The following TBC1D8B variants were observed in gnomAD, a reference collection of about 807,000 sequenced individuals.
TBC1D8B encodes the protein RP11-321G1.1.
A neutral mutation model predicts 82.9 loss-of-function variants in TBC1D8B; 75 were observed. That is an observed-to-expected ratio of 0.90 (90% CI 0.75 to 1.10). The LOEUF (loss-of-function observed/expected upper bound fraction) is 1.10, where lower values mean the gene tolerates loss of function less well. Among genes scored for constraint, TBC1D8B ranks in the 50% least tolerant of loss-of-function variants. The probability of loss-of-function intolerance (pLI) is 0.00; values close to 1 mark genes in which losing one functional copy is unlikely to be tolerated. For synonymous variants in TBC1D8B, 276 were observed against 276.8 expected, an observed-to-expected ratio of 1.00 and a Z score of 0.03; for missense variants, 794 against 796.9, an observed-to-expected ratio of 1.00 and a Z score of 0.04.
In TBC1D8B at chrX:106,873,644, A is replaced by G. The variant is rs1257788393; in HGVS notation, c.3042A>G (p.Gln1014=). ...ACCCTGAAGAAGAATCATTATATCA[A>G]GCCATTGCTGTTGTAACCAGCCTTT... ...HEDPEEESLY[Q]AIAVVTSLLL... The change falls in exon 21 of 21, where the codon CAA becomes CAG. Residue 1014 remains glutamine (Q), a synonymous_variant. Transcript: ENST00000357242. 8.3e-7 allele frequency: 1 copy of G among 1,211,344 alleles called. No homozygotes were observed. Among genetic ancestry groups the G allele is most frequent in the Admixed American group, 2.2e-5 (1 of 46,021 alleles).
chrX:106,809,695 T>C (rs1263484822), intron 1 of TBC1D8B, among the ~76,000 whole-genome samples: 2 of 108,810 alleles, frequency 1.8e-5, no homozygotes, highest in African/African-American at 6.7e-5. Flanking sequence ...ACCAGCCTGG[T>C]CAACATGGTG....
Position 106,839,295 on chromosome X carries a change from C to G in TBC1D8B, c.1204-13C>G. The G allele has an allele frequency of 8.9e-7, 1 of 1,127,288 alleles. No individual in the cohort carries two copies. Among genetic ancestry groups the G allele is most frequent in the Non-Finnish European group, 1.2e-6 (1 of 852,560 alleles). 92.9% of individuals were successfully genotyped at this position (1,127,288 alleles called of 1,213,427 possible). Reference sequence around the variant, plus strand: ...AGCATGCATCTGGGACAACTACATTCTTTCTTTTTCAGCTTGCTATTAGTT... The same window carrying G: ...AGCATGCATCTGGGACAACTACATTGTTTCTTTTTCAGCTTGCTATTAGTT... On this transcript the variant is annotated splice_polypyrimidine_tract_variant and intron_variant, in intron 7 of 20. Coordinates refer to ENST00000357242, the MANE Select transcript of TBC1D8B (RefSeq NM_017752.3).
intron 17 of TBC1D8B, among the ~76,000 whole-genome samples, chrX:106,867,099 A>C (rs1371820797): frequency 9.0e-6 from 1 of 111,720 alleles, no homozygotes; most frequent in East Asian, 2.8e-4. Flanking sequence ...TTAGTAGTCA[A>C]TTTAATGATA....
rs192736677 is a variant in TBC1D8B, at chrX:106,851,695, G to A, written c.2123+1385G>A. 7.5e-3 allele frequency among the ~76,000 whole-genome samples: 833 copies of A among 110,655 alleles called. 5 individuals are homozygous for A. The highest frequency in any genetic ancestry group is 0.019 in the Middle Eastern group (4 of 215). ...TTTTTTGTCCTTGCGATATTTTGCT[G>A]AGAATGATGGTTTCCAGTTTCATCC... is the stretch of plus-strand genomic sequence containing the variant. On this transcript the variant is annotated intron_variant, in intron 12 of 20. Transcript: ENST00000357242.
intron 14 of TBC1D8B, among the ~76,000 whole-genome samples, chrX:106,860,338 T>C (rs1486453295): frequency 3.7e-5 from 3 of 80,640 alleles, no homozygotes; most frequent in African/African-American, 1.4e-4. Flanking sequence ...CTTTTTATGA[T>C]TGGTGTGTGT....
intron 10 of TBC1D8B, among the ~76,000 whole-genome samples, chrX:106,846,872 A>G (rs1569453929): frequency 8.9e-6 from 1 of 112,411 alleles, no homozygotes; most frequent in Non-Finnish European, 1.9e-5. Flanking sequence ...AAGAAAGTTC[A>G]ACCTCAAAGA....
intron 1 of TBC1D8B, chrX:106,815,445 T>G (rs1931514679): frequency 9.0e-6 from 1 of 111,679 alleles, no homozygotes; most frequent in Non-Finnish European, 1.9e-5. Context: ...TTTTGGTTAC[T>G]GTAGCCGTGT....
rs1177813946 is a variant in TBC1D8B at position 106,836,809 on chromosome X, C to T, written c.1204-2499C>T. Among the ~76,000 whole-genome samples the T allele has an allele frequency of 2.7e-5, 3 of 111,455 alleles. No homozygotes were observed. The East Asian group carries it at 8.4e-4, about 31-fold the overall frequency. On this transcript the variant is annotated intron_variant, in intron 7 of 20. Transcript: ENST00000357242. ...AAACTTATTATACAGCTATAGTAAACAAGACATTGTGATACTGGCATAAGG... is the reference window on the plus strand; with the variant it reads ...AAACTTATTATACAGCTATAGTAAATAAGACATTGTGATACTGGCATAAGG...
At chrX:106,861,781 A>T (rs189898096) in intron 14 of TBC1D8B, among the ~76,000 whole-genome samples, 1 of 110,211 alleles carries the variant, frequency 9.1e-6, no homozygotes, top group African/African-American at 3.3e-5. Context: ...TCCTGATATC[A>T]TGTTGTTAGC....
Position 106,869,522 on chromosome X carries a change from A to G in TBC1D8B, c.2850A>G (p.Ala950=). The G allele has an allele frequency of 2.5e-6, 3 of 1,208,092 alleles. No homozygotes were observed. The Admixed American group carries it at 6.5e-5, about 26-fold the overall frequency. ...KPANEKEAES[A]KHSPEKGKGK... ...CAAATGAGAAGGAAGCAGAATCAGCAAAACACAGCCCTGAAAAAGGTACTA... is the reference window on the plus strand; with the variant it reads ...CAAATGAGAAGGAAGCAGAATCAGCGAAACACAGCCCTGAAAAAGGTACTA... The change falls in exon 19 of 21, where the codon GCA becomes GCG. Residue 950 remains alanine (A), a synonymous_variant. Transcript: ENST00000357242.
intron 10 of TBC1D8B, among the ~76,000 whole-genome samples, chrX:106,846,313 G>A (rs149824883): frequency 4.7e-5 from 5 of 105,859 alleles, no homozygotes; most frequent in African/African-American, 1.0e-4. Context: ...TCACCATGTC[G>A]GCCAGGCTGG....
At chrX:106,827,023 T>G (rs1025725134) in intron 6 of TBC1D8B, 147 bp from the exon 7 acceptor site, 1 of 560,515 alleles carries the variant, frequency 1.8e-6, no homozygotes, top group African/African-American at 2.3e-5. Flanking sequence ...GTATGATTGG[T>G]GCAACTAGTA....
intron 15 of TBC1D8B, 43 bp from the exon 16 acceptor site, chrX:106,865,750 T>C: frequency 8.8e-7 from 1 of 1,136,630 alleles, no homozygotes; most frequent in South Asian, 2.1e-5. Flanking sequence ...CCAAAATTAC[T>C]TTTTCTAATT....
intron 1 of TBC1D8B, among the ~76,000 whole-genome samples, chrX:106,805,793 A>G (rs1468279361): frequency 8.9e-6 from 1 of 112,364 alleles, no homozygotes; most frequent in African/African-American, 3.2e-5. Context: ...TGAAGCCAAA[A>G]GCTTTGTTGT....
At chrX:106,811,077 A>G (rs756429794) in intron 1 of TBC1D8B, among the ~76,000 whole-genome samples, 24 of 112,580 alleles carry the variant, frequency 2.1e-4, no homozygotes, top group Middle Eastern at 4.6e-3. Context: ...AAAATCTCCT[A>G]TAAGGCTGCC....
intron 3 of TBC1D8B, among the ~76,000 whole-genome samples, chrX:106,821,387 C>A (rs893426023): frequency 9.0e-6 from 1 of 110,506 alleles, no homozygotes; most frequent in Admixed American, 9.7e-5. Flanking sequence ...GTTGAATAAA[C>A]CATTTGTTCA....
chrX:106,827,338 G>A lies in TBC1D8B; in HGVS notation c.1203+1G>A, dbSNP rs745399971. 3.3e-6 allele frequency: 4 copies of A among 1,209,216 alleles called. No individual in the cohort carries two copies. In the South Asian group the frequency reaches 5.3e-5, roughly 16 times the overall value. ...TCAATATCATGATATTAGCACAGAG[G>A]TAATTAATTATACAGCAATCAAATC... On this transcript the variant is annotated splice_donor_variant, in intron 7 of 20. Coordinates refer to ENST00000357242, the MANE Select transcript of TBC1D8B (RefSeq NM_017752.3). LOFTEE classifies it high-confidence loss of function.
Position 106,865,562 on chromosome X carries a change from C to A in TBC1D8B, c.2356C>A (p.Arg786Ser). The change falls in exon 15 of 21, where the codon CGT (arginine) becomes AGT (serine). Residue 786 changes from arginine (R) to serine (S), a missense_variant. Transcript: ENST00000357242. ...LEETTKQNVL[R>S]VVSQDVKLSL... ...ATTGCTTTTAATCTTTTTAAAGTTG[C>A]GTGTTGTATCACAAGATGTGAAATT... 1 of 1,192,964 alleles carries A rather than the reference C, an allele frequency of 8.4e-7. No homozygotes were observed. Among genetic ancestry groups the A allele is most frequent in the Non-Finnish European group, 1.1e-6 (1 of 885,644 alleles).
At chrX:106,865,059 C>T (rs112266880) in intron 14 of TBC1D8B, among the ~76,000 whole-genome samples, 4 of 111,254 alleles carry the variant, frequency 3.6e-5, no homozygotes, top group African/African-American at 1.3e-4. Context: ...ATGATTGTAT[C>T]ATTAGTCCTT....
Sources: gnomAD v4.1 joint callset for allele counts (sites outside exome capture counted in the v4.1 genomes callset) on GRCh38, gnomAD v4.1.1 for gene constraint, MANE v1.5 for transcripts, NCBI Gene and HGNC (gene_info 2026-07-23, HGNC 2026-07-21) for gene names.